Variants in IGSF11 observed in about 807,000 individuals in gnomAD.
IGSF11 encodes the protein CXADR like 1.
A neutral mutation model predicts 41.0 loss-of-function variants in IGSF11; 22 were observed. That is an observed-to-expected ratio of 0.54 (90% CI 0.38 to 0.77). IGSF11 has a LOEUF of 0.77. Among genes scored for constraint, IGSF11 ranks in the 30% least tolerant of loss-of-function variants. The pLI is 0.00. For missense variants in IGSF11, 444 were observed against 530.8 expected, an observed-to-expected ratio of 0.84 and a Z score of 1.61; for synonymous variants, 219 against 201.3, an observed-to-expected ratio of 1.09 and a Z score of -0.74.
At chr3:119,017,248 T>C (rs921256050) in intron 1 of IGSF11, among the ~76,000 whole-genome samples, 1 of 152,206 alleles carries the variant, frequency 6.6e-6, no homozygotes, top group Non-Finnish European at 1.5e-5. Context: ...TGTGTGAACA[T>C]CATTGAGTGT....
At chr3:118,958,019 A>G (rs536857414) in intron 1 of IGSF11, among the ~76,000 whole-genome samples, 1 of 152,242 alleles carries the variant, frequency 6.6e-6, no homozygotes, top group Non-Finnish European at 1.5e-5. Flanking sequence ...TCCTCATAAA[A>G]TCAAAGGTGC....
At chr3:119,015,498 T>G (rs529822265) in intron 1 of IGSF11, among the ~76,000 whole-genome samples, 1 of 152,312 alleles carries the variant, frequency 6.6e-6, no homozygotes, top group South Asian at 2.1e-4. Flanking sequence ...TAAGGACACC[T>G]AAGTACCTAA....
At chr3:119,095,074 T>G (rs1222484019) in intron 1 of IGSF11, among the ~76,000 whole-genome samples, 2 of 152,132 alleles carry the variant, frequency 1.3e-5, no homozygotes, top group Non-Finnish European at 2.9e-5. Flanking sequence ...AAAAGTAATT[T>G]CACATTGAAA....
At chr3:119,006,130 T>C (rs1937476292) in intron 1 of IGSF11, among the ~76,000 whole-genome samples, 1 of 119,908 alleles carries the variant, frequency 8.3e-6, no homozygotes, top group South Asian at 3.0e-4. Context: ...TCTTTTCACA[T>C]AGTCCCATAT....
intron 1 of IGSF11, among the ~76,000 whole-genome samples, chr3:119,071,767 C>T (rs1011152036): frequency 5.3e-5 from 8 of 152,088 alleles, no homozygotes; most frequent in African/African-American, 1.9e-4. Context: ...AAGTGTGAGT[C>T]TTCCCACTTC....
intron 4 of IGSF11, among the ~76,000 whole-genome samples, chr3:118,924,104 C>T (rs79659015): frequency 0.012 from 1,901 of 152,098 alleles, 28 homozygotes; most frequent in African/African-American, 0.043. Context: ...AAACAGCTTG[C>T]CCTTTGACCC....
chr3:119,143,062 A>AT (rs1362076708), intron 1 of IGSF11, among the ~76,000 whole-genome samples: 8 of 152,216 alleles, frequency 5.3e-5, no homozygotes, highest in Non-Finnish European at 1.2e-4. Context: ...AAGTTCATCT[A>AT]TAGTAGGCCT....
At chr3:119,101,189 C>T (rs1246489466) in intron 1 of IGSF11, among the ~76,000 whole-genome samples, 1 of 152,164 alleles carries the variant, frequency 6.6e-6, no homozygotes, top group Non-Finnish European at 1.5e-5. Context: ...TACAAATTTA[C>T]TTTTAAAACT....
At chr3:118,916,941 G>T (rs1055347064) in intron 4 of IGSF11, among the ~76,000 whole-genome samples, 8 of 152,044 alleles carry the variant, frequency 5.3e-5, no homozygotes, top group Non-Finnish European at 1.2e-4. Context: ...CTAGAACTCA[G>T]GATTAAGAAT....
chr3:119,088,592 A>T (rs2076715279), intron 1 of IGSF11, among the ~76,000 whole-genome samples: 1 of 152,194 alleles, frequency 6.6e-6, no homozygotes, highest in South Asian at 2.1e-4. Context: ...AAGAAGAAAA[A>T]ACTAAAATTT....
At chr3:119,077,364 A>G (rs2083912388) in intron 1 of IGSF11, among the ~76,000 whole-genome samples, 2 of 152,160 alleles carry the variant, frequency 1.3e-5, no homozygotes, top group Admixed American at 6.5e-5. Context: ...ACATGTATAC[A>G]TATGTAACAA....
chr3:118,943,636 G>A (rs1943886750), intron 1 of IGSF11, among the ~76,000 whole-genome samples: 1 of 152,158 alleles, frequency 6.6e-6, no homozygotes, highest in Non-Finnish European at 1.5e-5. Flanking sequence ...TTTTAACTTG[G>A]ATAATGAATA....
intron 1 of IGSF11, among the ~76,000 whole-genome samples, chr3:119,055,528 T>G (rs1337465780): frequency 6.9e-6 from 1 of 144,912 alleles, no homozygotes; most frequent in African/African-American, 2.9e-5. Context: ...ATGGGAGACT[T>G]TTAACAACCC....
intron 1 of IGSF11, among the ~76,000 whole-genome samples, chr3:119,100,084 T>C (rs2076917281): frequency 6.6e-6 from 1 of 152,252 alleles, no homozygotes. Flanking sequence ...ATATAAATTG[T>C]TTATTTCTGG....
chr3:119,093,882 A>G (rs1471433499), intron 1 of IGSF11, among the ~76,000 whole-genome samples: 2 of 152,200 alleles, frequency 1.3e-5, no homozygotes, highest in Non-Finnish European at 2.9e-5. Flanking sequence ...ATAATTTATC[A>G]TGAGAAATAG....
intron 4 of IGSF11, 62 bp downstream of exon 4, chr3:118,926,039 T>C: frequency 8.1e-7 from 1 of 1,235,676 alleles, no homozygotes; most frequent in South Asian, 2.4e-5. Context: ...AGTTAATTAC[T>C]TTTTGAATAT....
chr3:119,002,315 G>A (rs1936983334), intron 1 of IGSF11, among the ~76,000 whole-genome samples: 1 of 149,614 alleles, frequency 6.7e-6, no homozygotes, highest in Non-Finnish European at 1.5e-5. Context: ...TTTTTGATGG[G>A]GTTGTTTGTT....
intron 1 of IGSF11, among the ~76,000 whole-genome samples, chr3:119,053,632 C>A (rs1941712605): frequency 6.6e-6 from 1 of 152,108 alleles, no homozygotes; most frequent in East Asian, 1.9e-4. Flanking sequence ...CATCAAAATA[C>A]CAACATCATT....
intron 1 of IGSF11, among the ~76,000 whole-genome samples, chr3:119,045,451 GC>G (rs1224786538): frequency 6.6e-6 from 1 of 152,210 alleles, no homozygotes; most frequent in Non-Finnish European, 1.5e-5. Context: ...TTAAAAAACG[GC>G]GCACCATGAG....
Sources: allele counts gnomAD v4.1 joint callset (sites outside exome capture counted in the v4.1 genomes callset), GRCh38; gene constraint gnomAD v4.1.1; transcripts MANE v1.5; gene names NCBI Gene and HGNC (gene_info 2026-07-23, HGNC 2026-07-21).